The following YWHAQ variants were observed in gnomAD, a reference collection of about 807,000 sequenced individuals.
YWHAQ encodes the protein 14-3-3 protein theta.
YWHAQ carries 6 observed loss-of-function variants against 28.3 expected under a neutral mutation model. The observed-to-expected ratio is 0.21, with a 90% CI of 0.12 to 0.42. The LOEUF (loss-of-function observed/expected upper bound fraction) is 0.42, where lower values mean the gene tolerates loss of function less well. Ranked by LOEUF, YWHAQ falls within the 10% of genes least tolerant of loss-of-function variation. The pLI, the probability that YWHAQ is intolerant of heterozygous loss-of-function variation, is 1.00. For synonymous variants in YWHAQ, 143 were observed against 119.1 expected (o/e 1.20, Z -1.31); for missense variants, 201 against 305.6 (o/e 0.66, Z 2.55).
At chr2:9,605,623 C>T (rs1411946827) in intron 2 of YWHAQ, among the ~76,000 whole-genome samples, 2 of 151,856 alleles carry the variant, frequency 1.3e-5, no homozygotes, top group Non-Finnish European at 2.9e-5. Flanking sequence ...TGCAGTGGTG[C>T]GATCTCGGCT....
intron 2 of YWHAQ, among the ~76,000 whole-genome samples, chr2:9,623,665 T>A (rs1216032034): frequency 6.6e-6 from 1 of 152,058 alleles, no homozygotes; most frequent in Non-Finnish European, 1.5e-5. Context: ...CCCAACTACT[T>A]GTGAGGCTGA....
At chr2:9,601,868 G>C (rs760273660) in intron 2 of YWHAQ, among the ~76,000 whole-genome samples, 10 of 152,074 alleles carry the variant, frequency 6.6e-5, no homozygotes, top group Admixed American at 5.2e-4. Context: ...GGGTGGTCTC[G>C]ATCTCCTGAC....
chr2:9,625,077 T>G (rs931545896), intron 2 of YWHAQ, among the ~76,000 whole-genome samples: 1 of 151,794 alleles, frequency 6.6e-6, no homozygotes, highest in African/African-American at 2.4e-5. Flanking sequence ...AACAAAAACC[T>G]TGGCTGGGGC....
At chr2:9,602,865 A>ATG in intron 2 of YWHAQ, among the ~76,000 whole-genome samples, 1 of 10,466 alleles carries the variant, frequency 9.6e-5, no homozygotes, top group South Asian at 4.7e-3. Context: ...AAAAAAAAAT[A>ATG]TATATATATA....
At chr2:9,595,561 G>A (rs775650630) in intron 2 of YWHAQ, among the ~76,000 whole-genome samples, 12 of 151,784 alleles carry the variant, frequency 7.9e-5, no homozygotes, top group East Asian at 3.9e-4. Flanking sequence ...AAAATTAGCC[G>A]GGTATGGTGA....
chr2:9,599,739 A>C (rs888654703), intron 2 of YWHAQ, among the ~76,000 whole-genome samples: 1 of 152,228 alleles, frequency 6.6e-6, no homozygotes, highest in Admixed American at 6.5e-5. Context: ...TTTACCAAAG[A>C]GCTCTGAGGG....
chr2:9,621,657 G>A (rs1667144711), intron 2 of YWHAQ, among the ~76,000 whole-genome samples: 1 of 151,996 alleles, frequency 6.6e-6, no homozygotes, highest in Non-Finnish European at 1.5e-5. Context: ...CATTTGCTGA[G>A]TTTTGACAAA....
intron 2 of YWHAQ, among the ~76,000 whole-genome samples, chr2:9,606,682 G>A (rs560408624): frequency 1.1e-4 from 17 of 151,630 alleles, no homozygotes; most frequent in East Asian, 5.9e-4. Context: ...GGCACATGCC[G>A]CCACACTGGG....
intron 2 of YWHAQ, among the ~76,000 whole-genome samples, chr2:9,618,447 G>C (rs1209906217): frequency 6.6e-6 from 1 of 152,176 alleles, no homozygotes; most frequent in Non-Finnish European, 1.5e-5. Flanking sequence ...GAAATTATTT[G>C]TGTAGCAATC....
At chr2:9,604,346 G>T (rs569950937) in intron 2 of YWHAQ, among the ~76,000 whole-genome samples, 1 of 152,060 alleles carries the variant, frequency 6.6e-6, no homozygotes, top group Non-Finnish European at 1.5e-5. Context: ...CTTTATAAAA[G>T]AAAGAAATTT....
At position 9,610,890 on chromosome 2, in the gene YWHAQ, G is replaced by A. The variant is rs147746015; in HGVS notation, c.294+19269C>T. Among the ~76,000 whole-genome samples the A allele has an allele frequency of 7.5e-4, 114 of 152,146 alleles. 1 individual carries two copies. In the East Asian group the frequency reaches 0.019, roughly 25 times the overall value. ...TCCCCTACTCGATTTTCTGTCTTAG[G>A]AAAAGTACTCAGTAGCCCTAGGCAG... On this transcript the variant is annotated intron_variant, in intron 2 of 5. Coordinates refer to ENST00000238081, the MANE Select transcript of YWHAQ (RefSeq NM_006826.4).
intron 2 of YWHAQ, among the ~76,000 whole-genome samples, chr2:9,604,923 A>G (rs1033092755): frequency 6.6e-6 from 1 of 152,242 alleles, no homozygotes; most frequent in African/African-American, 2.4e-5. Flanking sequence ...CACAGTGTCT[A>G]TCACATAGTA....
rs7567811 is a variant in YWHAQ at position 9,594,373 on chromosome 2, A to G, written c.295-2858T>C. On this transcript the variant is annotated intron_variant, in intron 2 of 5. Coordinates refer to ENST00000238081, the MANE Select transcript of YWHAQ (RefSeq NM_006826.4). ...ATGGATGACTTTCAATTTAAAAACT[A>G]TTTTTATGAACTGAATTTAGGGTTG... Among the ~76,000 whole-genome samples, 972 of 152,256 alleles carry G rather than the reference A, an allele frequency of 6.4e-3. 10 individuals are homozygous for G. Among genetic ancestry groups the G allele is most frequent in the African/African-American group, 0.022 (927 of 41,550 alleles).
chr2:9,615,067 T>C (rs1332185429), intron 2 of YWHAQ, among the ~76,000 whole-genome samples: 3 of 152,206 alleles, frequency 2.0e-5, no homozygotes, highest in Admixed American at 6.5e-5. Flanking sequence ...GAAGTCCTTA[T>C]TCTTATGTCC....
intron 2 of YWHAQ, among the ~76,000 whole-genome samples, chr2:9,618,957 A>C (rs1667088343): frequency 6.6e-6 from 1 of 152,186 alleles, no homozygotes; most frequent in Admixed American, 6.5e-5. Flanking sequence ...TTTTCTCCAT[A>C]AACTCTAATT....
chr2:9,606,050 A>G (rs574859983), intron 2 of YWHAQ, among the ~76,000 whole-genome samples: 1 of 152,264 alleles, frequency 6.6e-6, no homozygotes, highest in South Asian at 2.1e-4. Flanking sequence ...ACAGTATTCT[A>G]CTGTATGGGC....
chr2:9,630,289 C>A lies in YWHAQ; in HGVS notation c.164G>T (p.Arg55Leu), dbSNP rs1284443542. ...SVAYKNVVGG[R>L]RSAWRVISSI... ...AGAGATGACCCTCCAGGCGGACCTG[C>A]GGCCCCCGACCACGTTCTTGTAGGC... Residue 55 changes from arginine to leucine, a missense_variant, in exon 2 of 6, where the codon CGC becomes CTC. Around this residue, in one of 2 missense-constraint regions of YWHAQ, gnomAD observed 162 missense variants for 213.9 expected, o/e 0.76. Coordinates refer to ENST00000238081, the MANE Select transcript of YWHAQ (RefSeq NM_006826.4). This position sits in a 1 kb window ranked among gnomAD's most constrained non-coding sequence, Gnocchi z 5.6. 3 of 1,614,060 alleles carry A rather than the reference C, an allele frequency of 1.9e-6. No homozygotes were observed. The highest frequency in any genetic ancestry group is 1.7e-6 in the Non-Finnish European group (2 of 1,180,058).
At chr2:9,604,730 A>G (rs1274888638) in intron 2 of YWHAQ, among the ~76,000 whole-genome samples, 1 of 152,226 alleles carries the variant, frequency 6.6e-6, no homozygotes, top group Non-Finnish European at 1.5e-5. Context: ...TGTGGATTTC[A>G]GTATTCAAGG....
Position 9,597,985 on chromosome 2 carries a change from A to ATTTTT in YWHAQ, c.295-6475_295-6471dup, listed in dbSNP as rs547582835. ...CAGGCATGCACCACCATGCCGGGCT[A>ATTTTT]TTTTTTTTTTTTTTTTTTTTTTTTT... On this transcript the variant is annotated intron_variant, in intron 2 of 5. Coordinates refer to ENST00000238081, the MANE Select transcript of YWHAQ (RefSeq NM_006826.4). Among the ~76,000 whole-genome samples the ATTTTT allele has an allele frequency of 1.7e-3, 105 of 62,476 alleles. 11 individuals carry two copies. The highest frequency in any genetic ancestry group is 5.5e-3 in the African/African-American group (92 of 16,674). The allele number at this position is 62,476 out of a possible 152,430, so 41.0% of individuals were successfully genotyped here.
Sources: gnomAD v4.1 joint callset for allele counts (sites outside exome capture counted in the v4.1 genomes callset) on GRCh38, gnomAD v4.1.1 for gene constraint, gnomAD v4.1.1 regional missense constraint, Gnocchi (gnomAD v3.1) non-coding constraint, MANE v1.5 for transcripts, NCBI Gene and HGNC (gene_info 2026-07-23, HGNC 2026-07-21) for gene names.